Variants in SUMF1 observed in about 807,000 individuals in gnomAD.
The protein encoded by SUMF1 is sulfatase modifying factor 1, also known as formylglycine-generating enzyme.
In SUMF1, 48 loss-of-function variants were observed where a neutral mutation model predicts 47.6. That is an observed-to-expected ratio of 1.01 (90% CI 0.80 to 1.28). SUMF1 has a LOEUF of 1.28. Among genes scored for constraint, SUMF1 ranks in the 50% most tolerant of loss-of-function variants. The pLI is 0.00. For synonymous variants in SUMF1, 230 were observed against 192.1 expected (o/e 1.20, Z -1.63); for missense variants, 571 against 485.4 (o/e 1.18, Z -1.66).
intron 8 of SUMF1, among the ~76,000 whole-genome samples, chr3:4,180,815 T>G (rs1695080588): frequency 6.6e-6 from 1 of 151,286 alleles, no homozygotes. Flanking sequence ...ATCACACCAC[T>G]GCACTCCAGC....
intron 8 of SUMF1, among the ~76,000 whole-genome samples, chr3:4,072,536 G>A (rs1695554214): frequency 6.6e-6 from 1 of 152,102 alleles, no homozygotes; most frequent in African/African-American, 2.4e-5. Flanking sequence ...AAACTTATCA[G>A]AGCTAAAGGA....
chr3:4,209,895 GA>G (rs869194376), intron 8 of SUMF1, among the ~76,000 whole-genome samples: 4 of 151,650 alleles, frequency 2.6e-5, no homozygotes, highest in African/African-American at 4.8e-5. Context: ...TTAAAATTTA[GA>G]AAAAAAAATT....
At chr3:4,035,810 T>C (rs1353766658) in intron 9 of SUMF1, among the ~76,000 whole-genome samples, 2 of 152,166 alleles carry the variant, frequency 1.3e-5, no homozygotes, top group African/African-American at 2.4e-5. Context: ...ATAGTAGGTG[T>C]CTGGTGCATA....
intron 8 of SUMF1, among the ~76,000 whole-genome samples, chr3:4,094,503 G>T (rs1329982719): frequency 6.6e-6 from 1 of 152,042 alleles, no homozygotes; most frequent in South Asian, 2.1e-4. Flanking sequence ...TGATGGAGAG[G>T]TCAGGATGTA....
Position 4,362,063 on chromosome 3 carries a change from G to C in SUMF1, c.*81C>G. 1 of 1,361,374 alleles carries C rather than the reference G, an allele frequency of 7.3e-7. No homozygotes were observed. Among genetic ancestry groups the C allele is most frequent in the Non-Finnish European group, 1.0e-6 (1 of 957,714 alleles). 84.3% of individuals were successfully genotyped at this position (1,361,374 alleles called of 1,614,324 possible). ...CCTCAGGGTGGGAATTCTTTGCATG[G>C]GATCGTTCAAAGTTCTGAGAAAAGC... is the stretch of plus-strand genomic sequence containing the variant. On this transcript the variant is annotated 3_prime_UTR_variant, in exon 9 of 9. Transcript: ENST00000272902.
At chr3:4,433,105 G>A (rs541406874) in intron 3 of SUMF1, among the ~76,000 whole-genome samples, 2 of 152,080 alleles carry the variant, frequency 1.3e-5, no homozygotes, top group African/African-American at 2.4e-5. Flanking sequence ...CTTAAAGCTA[G>A]ACATCCCTCA....
intron 6 of SUMF1, among the ~76,000 whole-genome samples, chr3:4,412,803 T>C (rs546910504): frequency 2.1e-4 from 32 of 152,098 alleles, no homozygotes; most frequent in Admixed American, 1.6e-3. Context: ...GGTAGGAGAA[T>C]TGCTAAACCC....
chr3:4,461,611 G>A (rs1192588632), intron 1 of SUMF1, among the ~76,000 whole-genome samples: 1 of 151,356 alleles, frequency 6.6e-6, no homozygotes, highest in Non-Finnish European at 1.5e-5. Context: ...TGACTTCCAT[G>A]TGAACTTCCG....
rs555799685 is a variant in SUMF1, at chr3:4,418,744, A to T, written c.603-612T>A. Among the ~76,000 whole-genome samples the T allele has an allele frequency of 4.6e-5, 7 of 152,076 alleles. No individual in the cohort carries two copies. The East Asian group carries it at 1.4e-3, about 29-fold the overall frequency. ...TCAGCCTCTGTTTCCAGAGAACCCA[A>T]CCTGTGACCCTTGGCTTTCAATTCT... On this transcript the variant is annotated intron_variant, in intron 4 of 8. Transcript: ENST00000272902.
chr3:4,217,049 A>G (rs1695940593), intron 8 of SUMF1, among the ~76,000 whole-genome samples: 1 of 152,176 alleles, frequency 6.6e-6, no homozygotes, highest in Non-Finnish European at 1.5e-5. Context: ...ATTCTACTAT[A>G]AAGACACATG....
intron 9 of SUMF1, among the ~76,000 whole-genome samples, chr3:4,044,196 C>T (rs1035843613): frequency 6.6e-6 from 1 of 152,150 alleles, no homozygotes; most frequent in Admixed American, 6.5e-5. Flanking sequence ...TAACCAAAAG[C>T]ACCCAAGAGC....
intron 9 of SUMF1, among the ~76,000 whole-genome samples, chr3:4,035,852 T>C (rs151047648): frequency 3.8e-4 from 56 of 147,560 alleles, no homozygotes; most frequent in Middle Eastern, 3.4e-3. Flanking sequence ...GTAATATTAG[T>C]GACATGAAGT....
chr3:4,142,234 G>GA (rs145048093), intron 8 of SUMF1, among the ~76,000 whole-genome samples: 4,692 of 150,656 alleles, frequency 0.031, 129 homozygotes, highest in African/African-American at 0.059. Flanking sequence ...CACTGTTAAA[G>GA]AAAAAAAAAT....
intron 4 of SUMF1, 128 bp from the exon 5 acceptor site, chr3:4,418,260 G>A (rs1389497823): frequency 7.3e-7 from 1 of 1,374,790 alleles, no homozygotes; most frequent in Admixed American, 2.0e-5. Flanking sequence ...TGGTCCTTAA[G>A]TCAAACCCCA....
At chr3:4,291,044 G>A (rs1225959904) in intron 8 of SUMF1, among the ~76,000 whole-genome samples, 1 of 152,140 alleles carries the variant, frequency 6.6e-6, no homozygotes, top group Non-Finnish European at 1.5e-5. Flanking sequence ...CTACCTCACA[G>A]GACTCTTTTA....
chr3:4,193,126 A>G (rs1423904221), intron 8 of SUMF1, among the ~76,000 whole-genome samples: 1 of 152,116 alleles, frequency 6.6e-6, no homozygotes, highest in African/African-American at 2.4e-5. Context: ...ATAATGTTCT[A>G]TATCTGTGAT....
At chr3:4,164,364 T>C (rs145903139) in intron 8 of SUMF1, among the ~76,000 whole-genome samples, 2,875 of 152,212 alleles carry the variant, frequency 0.019, 94 homozygotes, top group African/African-American at 0.066. Context: ...GTGAGGGTGA[T>C]GACATGAGCT....
intron 9 of SUMF1, among the ~76,000 whole-genome samples, chr3:4,046,287 A>C (rs1695006642): frequency 1.3e-5 from 2 of 152,098 alleles, no homozygotes; most frequent in South Asian, 4.2e-4. Context: ...CGTACCTAAG[A>C]ATCAAGTGGC....
At position 4,087,207 on chromosome 3, in the gene SUMF1, ACT is replaced by A. The variant is rs1254738294; in HGVS notation, c.1015-18464_1015-18463del. 1.1e-3 allele frequency among the ~76,000 whole-genome samples: 166 copies of A among 152,196 alleles called. 5 individuals carry two copies. Among genetic ancestry groups the A allele is most frequent in the African/African-American group, 3.8e-3 (159 of 41,502 alleles). ...AATCAGAAGACAAGTCCTGACACAG[ACT>A]CTGTGTGTGACCTCAGCCAAGGTAT... On this transcript the variant is annotated intron_variant and NMD_transcript_variant, in intron 8 of 12. Coordinates refer to the SUMF1 transcript ENST00000448413.
Sources: allele counts gnomAD v4.1 joint callset (sites outside exome capture counted in the v4.1 genomes callset), GRCh38; gene constraint gnomAD v4.1.1; transcripts MANE v1.5; gene names NCBI Gene and HGNC (gene_info 2026-07-23, HGNC 2026-07-21).